SOX8: variants seen among roughly 807,000 people sequenced by gnomAD.
SOX8 encodes transcription factor SOX-8.
A neutral mutation model predicts 22.9 loss-of-function variants in SOX8; 9 were observed. The observed-to-expected ratio is 0.39, with a 90% confidence interval of 0.24 to 0.69. The LOEUF is 0.69. Ranked by LOEUF, SOX8 falls within the 30% of genes least tolerant of loss-of-function variation. SOX8 has a pLI of 0.43. For missense variants in SOX8, 734 were observed against 699.4 expected (o/e 1.05, Z -0.56); for synonymous variants, 416 against 330.6 (o/e 1.26, Z -2.80).
intron 1 of SOX8, 40 bp downstream of exon 1, chr16:982,384 G>A (rs748220368): frequency 7.6e-7 from 1 of 1,308,170 alleles, no homozygotes; most frequent in Non-Finnish European, 9.8e-7. Flanking sequence ...CGGGACCTTG[G>A]CCGCCCCTGG....
At chr16:984,016 G>A in intron 2 of SOX8, 56 bp downstream of exon 2, 2 of 1,395,966 alleles carry the variant, frequency 1.4e-6, no homozygotes, top group Non-Finnish European at 1.9e-6. Context: ...GCAGCTGTGG[G>A]GTTTCTGGCT....
Position 985,475 on chromosome 16 carries a change from TGG to T in SOX8, c.*90_*91del. On this transcript the variant is annotated 3_prime_UTR_variant, in exon 3 of 3. Transcript: ENST00000293894. ...GTGACCAGGGCGGGAGGGGCCCCAG[TGG>T]CTGAGCTCCAAGTGCCTGCTGAAGT... is the stretch of plus-strand genomic sequence containing the variant. The T allele has an allele frequency of 9.1e-7, 1 of 1,100,666 alleles. No individual in the cohort carries two copies. Among genetic ancestry groups the T allele is most frequent in the Non-Finnish European group, 1.3e-6 (1 of 799,920 alleles). 68.2% of individuals were successfully genotyped at this position (1,100,666 alleles called of 1,614,324 possible). A position where few individuals can be genotyped will look rare whatever the true frequency, so the allele number is the denominator to read the frequency against.
Position 981,879 on chromosome 16 carries a change from C to T in SOX8, c.-44C>T, listed in dbSNP as rs2151518999. ...CCGCAGGGCAGCCCCGGGCGCCGGC[C>T]CCGGTGCGCGTCTCCTGTGCGCGCC... On this transcript the variant is annotated 5_prime_UTR_variant, in exon 1 of 3. Transcript: ENST00000293894. 2.6e-6 allele frequency: 3 copies of T among 1,141,488 alleles called. No homozygotes were observed. The highest frequency in any genetic ancestry group is 1.6e-5 in the African/African-American group (1 of 60,624). The allele number at this position is 1,141,488 out of a possible 1,614,324, so 70.7% of individuals were successfully genotyped here.
In SOX8 at chr16:985,037, C is replaced by T. The variant is rs538894719; in HGVS notation, c.992C>T (p.Thr331Met). ...TCGGCCTCCGCGTCGCCCACCGAGA[C>T]GGGTCCCCCACGGCCGCACATCAAG... ...APSASASPTE[T>M]GPPRPHIKTE... The change falls in exon 3 of 3, where the codon ACG becomes ATG. Residue 331 changes from threonine (T) to methionine (M), a missense_variant. Thr to Met is a moderately conservative substitution (Grantham distance 81). Around this residue, in one of 3 missense-constraint regions of SOX8, gnomAD observed 588 missense variants for 568.2 expected, o/e 1.03. Transcript: ENST00000293894. The T allele has an allele frequency of 1.7e-5, 27 of 1,576,336 alleles. No homozygotes were observed. The highest frequency in any genetic ancestry group is 1.8e-4 in the Middle Eastern group (1 of 5,514).
intron 1 of SOX8, 35 bp from the exon 2 acceptor site, chr16:983,693 G>A (rs185528456): frequency 3.7e-5 from 59 of 1,589,528 alleles, no homozygotes; most frequent in Middle Eastern, 1.8e-4. Flanking sequence ...CACAGTGGGC[G>A]CCCTGGCCAT....
In SOX8 at chr16:984,982, T is replaced by C; in HGVS notation, c.937T>C (p.Ser313Pro). 2 of 1,585,148 alleles carry C rather than the reference T, an allele frequency of 1.3e-6. No individual in the cohort carries two copies. Among genetic ancestry groups the C allele is most frequent in the Non-Finnish European group, 8.6e-7 (1 of 1,168,706 alleles). ...GGGCGCCTACTTCCACGCCGGGGCG[T>C]CCCCCGTGTGGGCCCACAAGAGTGC... ...YGGAYFHAGA[S>P]PVWAHKSAPS... The change falls in exon 3 of 3, where the codon TCC becomes CCC. Residue 313 changes from serine (S) to proline (P), a missense_variant. Physicochemically the swap from Ser to Pro is moderately conservative, Grantham distance 74. This residue lies in a region of SOX8 where 588 missense variants were observed against 568.2 expected (regional missense o/e 1.03). Transcript: ENST00000293894.
chr16:982,357 G>A lies in SOX8; in HGVS notation c.422+13G>A, dbSNP rs1187039808. On this transcript the variant is annotated intron_variant, in intron 1 of 2. Coordinates refer to ENST00000293894, the MANE Select transcript of SOX8 (RefSeq NM_014587.5). ...GCAAGCTGTGGCGGTGAGTGCCGGCGCCCCGGGGGCGGGGTTCGGGACCTT... is the reference window on the plus strand; with the variant it reads ...GCAAGCTGTGGCGGTGAGTGCCGGCACCCCGGGGGCGGGGTTCGGGACCTT... 1.5e-6 allele frequency: 2 copies of A among 1,342,206 alleles called. No homozygotes were observed. Among genetic ancestry groups the A allele is most frequent in the African/African-American group, 3.0e-5 (2 of 66,064 alleles). 83.1% of individuals were successfully genotyped at this position (1,342,206 alleles called of 1,614,324 possible).
At chr16:984,122 C>T (rs2073433341) in intron 2 of SOX8, among the ~76,000 whole-genome samples, 162 bp downstream of exon 2, 1 of 152,230 alleles carries the variant, frequency 6.6e-6, no homozygotes, top group African/African-American at 2.4e-5. Flanking sequence ...CCCGGCCGCC[C>T]CTGTTTTTGG....
intron 2 of SOX8, 144 bp downstream of exon 2, chr16:984,104 C>G (rs2073433193): frequency 1.3e-6 from 1 of 754,632 alleles, no homozygotes; most frequent in Admixed American, 3.3e-5. Flanking sequence ...TGAAAAAGCT[C>G]CCAAGGCCCC....
At position 981,771 on chromosome 16, in the gene SOX8, G is replaced by T. The variant is rs890539281; in HGVS notation, c.-152G>T. 3.1e-5 allele frequency: 7 copies of T among 222,286 alleles called. No homozygotes were observed. The highest frequency in any genetic ancestry group is 1.3e-4 in the Admixed American group (2 of 15,132). The allele number at this position is 222,286 out of a possible 1,614,324, so 13.8% of individuals were successfully genotyped here. On this transcript the variant is annotated 5_prime_UTR_variant, in exon 1 of 3. Coordinates refer to ENST00000293894, the MANE Select transcript of SOX8 (RefSeq NM_014587.5). ...GAAACTTGTTGCGGGTCCCGCAGCG[G>T]GACCCGAGCCTCGGCGGCGGCGGCG...
At chr16:982,467 C>T (rs2073405273) in intron 1 of SOX8, 123 bp downstream of exon 1, 1 of 1,067,496 alleles carries the variant, frequency 9.4e-7, no homozygotes, top group Non-Finnish European at 1.2e-6. Flanking sequence ...GCTCCGGGCT[C>T]TGCACCCCGG....
chr16:983,605 G>C, intron 1 of SOX8, 123 bp from the exon 2 acceptor site: 1 of 836,950 alleles, frequency 1.2e-6, no homozygotes, highest in Non-Finnish European at 1.8e-6. Flanking sequence ...CGCACGGCAG[G>C]CGGGTTTCCC....
chr16:982,583 A>C, intron 1 of SOX8: 1 of 406,336 alleles, frequency 2.5e-6, no homozygotes, highest in East Asian at 3.7e-5. Context: ...TGGGGTGTGC[A>C]CCCTCGTGGC....
In SOX8 at chr16:982,285, C is replaced by T. The variant is rs773343345; in HGVS notation, c.363C>T (p.Ala121=). 7.9e-6 allele frequency: 12 copies of T among 1,518,570 alleles called. No homozygotes were observed. Among genetic ancestry groups the T allele is most frequent in the African/African-American group, 7.2e-5 (5 of 69,638 alleles). 94.1% of individuals were successfully genotyped at this position (1,518,570 alleles called of 1,614,324 possible). The part of the protein sequence containing the change: ...VWAQAARRKL[A]DQYPHLHNAE... ...CGCAGGCGGCGCGCCGCAAGCTGGC[C>T]GACCAGTACCCGCACCTGCACAACG... Residue 121 remains alanine (A), a synonymous_variant, in exon 1 of 3, where the codon GCC becomes GCT. Transcript: ENST00000293894.
chr16:982,535 G>A (rs1463912516), intron 1 of SOX8, 191 bp downstream of exon 1: 9 of 567,114 alleles, frequency 1.6e-5, no homozygotes, highest in African/African-American at 7.8e-5. Context: ...GGGGTCCGGC[G>A]CCAGCTATGG....
rs1329728715 is a variant in SOX8, at chr16:984,938, A to C, written c.893A>C (p.Glu298Ala). ...CCCCTGGGCGGCCCCGCCCCACCCG[A>C]GCCGGGCCAGGCCTATGGGGGCGCC... is the stretch of plus-strand genomic sequence containing the variant. ...YLPLGGPAPP[E>A]PGQAYGGAYF... The change falls in exon 3 of 3, where the codon GAG becomes GCG. Residue 298 changes from glutamate to alanine, a missense_variant. Glu to Ala is a moderately radical substitution (Grantham distance 107). Coordinates refer to ENST00000293894, the MANE Select transcript of SOX8 (RefSeq NM_014587.5). The C allele has an allele frequency of 1.9e-6, 3 of 1,601,720 alleles. No homozygotes were observed. Among genetic ancestry groups the C allele is most frequent in the African/African-American group, 2.7e-5 (2 of 74,062 alleles).
chr16:981,977 G>T lies in SOX8; in HGVS notation c.55G>T (p.Ala19Ser). The change falls in exon 1 of 3, where the codon GCC (alanine) becomes TCC (serine). Residue 19 changes from alanine to serine, a missense_variant. Transcript: ENST00000293894. ...GCCGCCCTGCAGCCCGTCCGGCACC[G>T]CCAGCTCCATGTCGCACGTGGAGGA... ...SQPPCSPSGTASSMSHVEDSD... is the reference protein window; with the variant it reads ...SQPPCSPSGTSSSMSHVEDSD... The T allele has an allele frequency of 6.9e-7, 1 of 1,447,212 alleles. No homozygotes were observed. Among genetic ancestry groups the T allele is most frequent in the Non-Finnish European group, 9.1e-7 (1 of 1,099,744 alleles). 89.6% of individuals were successfully genotyped at this position (1,447,212 alleles called of 1,614,324 possible). A position where few individuals can be genotyped will look rare whatever the true frequency, so the allele number is the denominator to read the frequency against.
chr16:983,906 G>A lies in SOX8; in HGVS notation c.601G>A (p.Val201Met), dbSNP rs900618664. Residue 201 changes from valine (V) to methionine (M), a missense_variant, in exon 2 of 3, where the codon GTG (valine) becomes ATG (methionine). Physicochemically the swap from Val to Met is conservative, Grantham distance 21. Coordinates refer to ENST00000293894, the MANE Select transcript of SOX8 (RefSeq NM_014587.5). ...GGGACCCCACCCTGGCGGCGGTGCC[G>A]TGTACAAGGCTGAAGCAGGGCTTGG... ...ELGPHPGGGA[V>M]YKAEAGLGDG... is the part of the protein sequence containing the mutation. The A allele has an allele frequency of 5.0e-6, 8 of 1,597,520 alleles. No individual in the cohort carries two copies. In the Admixed American group the frequency reaches 5.2e-5, roughly 10 times the overall value.
In SOX8 at chr16:983,841, C is replaced by T. The variant is rs2073430654; in HGVS notation, c.536C>T (p.Ala179Val). The change falls in exon 2 of 3, where the codon GCC becomes GTC. Residue 179 changes from alanine to valine, a missense_variant. Ala to Val is a moderately conservative substitution (Grantham distance 64). Coordinates refer to ENST00000293894, the MANE Select transcript of SOX8 (RefSeq NM_014587.5). ...TACCAGCCACGGCGCAGGAAGAGCG[C>T]CAAAGCCGGCCACAGCGACTCCGAC... ...YKYQPRRRKSAKAGHSDSDSG... is the reference protein window; with the variant it reads ...YKYQPRRRKSVKAGHSDSDSG... 1.2e-6 allele frequency: 2 copies of T among 1,612,730 alleles called. No individual in the cohort carries two copies. The highest frequency in any genetic ancestry group is 2.2e-5 in the South Asian group (2 of 91,068).
Sources: gnomAD v4.1 joint callset for allele counts (sites outside exome capture counted in the v4.1 genomes callset) on GRCh38, gnomAD v4.1.1 for gene constraint, gnomAD v4.1.1 regional missense constraint, MANE v1.5 for transcripts, NCBI Gene and HGNC (gene_info 2026-07-23, HGNC 2026-07-21) for gene names.